URI1: variants seen among roughly 807,000 people sequenced by gnomAD.
URI1 encodes the protein URI1 prefoldin like chaperone, also known as unconventional prefoldin RPB5 interactor 1.
Under a neutral mutation model 60.2 loss-of-function variants are expected in URI1, and 39 were observed. That is an observed-to-expected ratio of 0.65 (90% CI 0.50 to 0.85). URI1 has a LOEUF of 0.85. Among genes scored for constraint, URI1 ranks in the 40% least tolerant of loss-of-function variants. URI1 has a pLI of 0.00. For missense variants in URI1, 691 were observed against 665.9 expected (o/e 1.04, Z -0.42); for synonymous variants, 251 against 236.8 (o/e 1.06, Z -0.55).
intron 1 of URI1, among the ~76,000 whole-genome samples, chr19:29,966,847 A>T (rs543532727): frequency 6.6e-6 from 1 of 152,230 alleles, no homozygotes; most frequent in Non-Finnish European, 1.5e-5. Flanking sequence ...CACAGTTCCC[A>T]AACTGTTATA....
chr19:29,949,962 A>AT (rs76815360), intron 1 of URI1, among the ~76,000 whole-genome samples: 12,122 of 151,912 alleles, frequency 0.08, 682 homozygotes, highest in East Asian at 0.22. Context: ...GAGGTTACTT[A>AT]TTTTTTAAGA....
chr19:30,015,061 A>G lies in URI1; in HGVS notation c.1600A>G (p.Lys534Glu), dbSNP rs1293717299. The change falls in exon 11 of 11, where the codon AAA becomes GAA. Residue 534 changes from lysine to glutamate, a missense_variant. Physicochemically the swap from Lys to Glu is moderately conservative, Grantham distance 56. Transcript: ENST00000392271. ...GTTTAAAGCTGCCAGATTGCAACAG[A>G]AAGACTAGGCCCTGTCTAGGAAATG... is the stretch of plus-strand genomic sequence containing the variant. ...SKFKAARLQQ[K>E]D The G allele has an allele frequency of 3.1e-6, 5 of 1,613,402 alleles. No homozygotes were observed. The South Asian group carries it at 5.5e-5, about 18-fold the overall frequency.
intron 1 of URI1, among the ~76,000 whole-genome samples, chr19:29,924,636 A>T (rs1019623094): frequency 6.6e-5 from 10 of 152,150 alleles, no homozygotes; most frequent in African/African-American, 2.2e-4. Context: ...AGCCAATCAG[A>T]GGCTGTCCTG....
At chr19:29,951,055 A>G (rs1200394617) in intron 1 of URI1, among the ~76,000 whole-genome samples, 1 of 152,222 alleles carries the variant, frequency 6.6e-6, no homozygotes, top group East Asian at 1.9e-4. Flanking sequence ...CAGGAGGTGG[A>G]GTCCAGCCTG....
At chr19:30,010,618 G>A (rs868357045) in intron 8 of URI1, among the ~76,000 whole-genome samples, 1 of 151,962 alleles carries the variant, frequency 6.6e-6, no homozygotes, top group South Asian at 2.1e-4. Context: ...GAACAGGCTT[G>A]GTTTTTATTT....
intron 1 of URI1, among the ~76,000 whole-genome samples, chr19:29,947,877 C>T (rs893653847): frequency 6.6e-6 from 1 of 152,066 alleles, no homozygotes; most frequent in Non-Finnish European, 1.5e-5. Flanking sequence ...CTGAAGATAT[C>T]CTCTTATATT....
intron 1 of URI1, among the ~76,000 whole-genome samples, chr19:29,955,041 G>A (rs1234850530): frequency 6.6e-6 from 1 of 150,744 alleles, no homozygotes; most frequent in Non-Finnish European, 1.5e-5. Context: ...GTCTCGCTCT[G>A]TTGCTCAGGC....
intron 1 of URI1, among the ~76,000 whole-genome samples, chr19:29,957,248 A>G (rs2055260590): frequency 7.5e-6 from 1 of 134,078 alleles, no homozygotes; most frequent in African/African-American, 2.7e-5. Context: ...TATGTCAATC[A>G]AATGAAGGTC....
Position 30,015,052 on chromosome 19 carries a change from T to C in URI1, c.1591T>C (p.Leu531=). Reference sequence around the variant, plus strand: ...GGTTTCAAAGTTTAAAGCTGCCAGATTGCAACAGAAAGACTAGGCCCTGTC... The same window carrying C: ...GGTTTCAAAGTTTAAAGCTGCCAGACTGCAACAGAAAGACTAGGCCCTGTC... ...KRVSKFKAAR[L]QQKD Residue 531 remains leucine (L), a synonymous_variant, in exon 11 of 11, where the codon TTG becomes CTG. Coordinates refer to ENST00000392271, the MANE Select transcript of URI1 (RefSeq NM_003796.3). 6.2e-7 allele frequency: 1 copy of C among 1,613,398 alleles called. No individual in the cohort carries two copies. The highest frequency in any genetic ancestry group is 8.5e-7 in the Non-Finnish European group (1 of 1,179,578).
intron 1 of URI1, among the ~76,000 whole-genome samples, chr19:29,932,522 G>A (rs2054930210): frequency 6.6e-6 from 1 of 151,854 alleles, no homozygotes; most frequent in South Asian, 2.1e-4. Flanking sequence ...TCACCATAAT[G>A]GCCAGGCTTG....
At chr19:29,925,019 A>T (rs2054854056) in intron 1 of URI1, among the ~76,000 whole-genome samples, 1 of 152,104 alleles carries the variant, frequency 6.6e-6, no homozygotes, top group African/African-American at 2.4e-5. Flanking sequence ...TATTTTTGGT[A>T]GAGACGGGGT....
At chr19:29,929,705 T>C (rs914574491) in intron 1 of URI1, among the ~76,000 whole-genome samples, 6 of 152,202 alleles carry the variant, frequency 3.9e-5, no homozygotes, top group Admixed American at 3.3e-4. Flanking sequence ...TAATTAGTGA[T>C]ATTGAGCATC....
rs2055987897 is a variant in URI1, at chr19:30,009,261, G to A, written c.943G>A (p.Asp315Asn). The part of the protein sequence containing the change: ...DDDDDDDNID[D>N]DDGDNDHEAL... ...TGACGACGACGACGACAACATTGAC[G>A]ACGATGATGGTGATAACGACCATGA... The change falls in exon 8 of 11, where the codon GAC (aspartate) becomes AAC (asparagine). Residue 315 changes from aspartate (D) to asparagine (N), a missense_variant. Asp to Asn is a conservative substitution (Grantham distance 23). Transcript: ENST00000392271. The A allele has an allele frequency of 1.2e-6, 2 of 1,613,902 alleles. No individual in the cohort carries two copies. The highest frequency in any genetic ancestry group is 8.5e-7 in the Non-Finnish European group (1 of 1,179,918).
intron 1 of URI1, chr19:29,956,285 C>CTTTTTTTTTT (rs369678110): frequency 2.8e-6 from 1 of 352,188 alleles, no homozygotes; most frequent in Non-Finnish European, 4.6e-6. Context: ...CCAGAGTAGT[C>CTTTTTTTTTT]TTTTTTTTTT....
intron 2 of URI1, chr19:29,983,389 G>A (rs1244613646): frequency 6.6e-6 from 1 of 152,122 alleles, no homozygotes. Context: ...AATTCCTTAA[G>A]ATCTTAAGAC....
rs142673163 is a variant in URI1, at chr19:29,971,820, CTTATA to C, written c.152+598_152+602del. Among the ~76,000 whole-genome samples, 708 of 151,776 alleles carry C rather than the reference CTTATA, an allele frequency of 4.7e-3. 4 individuals carry two copies. The highest frequency in any genetic ancestry group is 0.011 in the Admixed American group (168 of 15,232). On this transcript the variant is annotated intron_variant, in intron 2 of 10. Transcript: ENST00000392271. Reference sequence around the variant, plus strand: ...TGCTCGATTTAATGGTGAATAAAATCTTATATTATGAGTTGTCATGAAGTATAGCT... The same window carrying C: ...TGCTCGATTTAATGGTGAATAAAATCTTATGAGTTGTCATGAAGTATAGCT...
intron 4 of URI1, among the ~76,000 whole-genome samples, chr19:29,999,119 A>G (rs1005164196): frequency 3.9e-5 from 6 of 152,110 alleles, no homozygotes; most frequent in African/African-American, 1.4e-4. Flanking sequence ...TTGTGTCACA[A>G]ATTATATCTT....
At chr19:29,992,038 T>C (rs2055752924) in intron 4 of URI1, among the ~76,000 whole-genome samples, 1 of 152,196 alleles carries the variant, frequency 6.6e-6, no homozygotes, top group South Asian at 2.1e-4. Flanking sequence ...TCTTTTACTT[T>C]TATGCTAACT....
At chr19:29,940,824 G>A (rs906603330), upstream of URI1, among the ~76,000 whole-genome samples, 2 of 152,146 alleles carry the variant, frequency 1.3e-5, no homozygotes, top group African/African-American at 4.8e-5. Flanking sequence ...GAGGGGAAGT[G>A]GGGTGGGCAG....
Sources: allele counts gnomAD v4.1 joint callset (sites outside exome capture counted in the v4.1 genomes callset), GRCh38; gene constraint gnomAD v4.1.1; transcripts MANE v1.5; gene names NCBI Gene and HGNC (gene_info 2026-07-23, HGNC 2026-07-21).